Variants in ARHGAP26 observed in about 807,000 individuals in gnomAD.
ARHGAP26 encodes rho GTPase-activating protein 26.
A neutral mutation model predicts 104.8 loss-of-function variants in ARHGAP26; 38 were observed. That is an observed-to-expected ratio of 0.36 (90% CI 0.28 to 0.48). The LOEUF is 0.48. Ranked by LOEUF, ARHGAP26 falls within the 20% of genes least tolerant of loss-of-function variation. The pLI is 0.99. For missense variants in ARHGAP26, 704 were observed against 947.9 expected, an observed-to-expected ratio of 0.74 and a Z score of 3.38; for synonymous variants, 341 against 340.0, an observed-to-expected ratio of 1.00 and a Z score of -0.03.
intron 11 of ARHGAP26, among the ~76,000 whole-genome samples, chr5:142,971,104 T>C (rs1772200294): frequency 6.6e-6 from 1 of 152,176 alleles, no homozygotes; most frequent in Admixed American, 6.5e-5. Flanking sequence ...TAATTTTTTT[T>C]CAGAGATGTC....
rs11419144 is a variant in ARHGAP26, at chr5:142,955,095, T to TACACACACAC, written c.1107+22991_1107+23000dup. 3.2e-4 allele frequency among the ~76,000 whole-genome samples: 17 copies of TACACACACAC among 52,624 alleles called. No individual in the cohort carries two copies. In the East Asian group the frequency reaches 0.021, roughly 64 times the overall value. The allele number at this position is 52,624 out of a possible 152,430, so 34.5% of individuals were successfully genotyped here. A position where few individuals can be genotyped will look rare whatever the true frequency, so the allele number is the denominator to read the frequency against. ...GCAGTTCAACATAGTGAGACCTGTC[T>TACACACACAC]ACACACACACACACACACACACACA... On this transcript the variant is annotated intron_variant, in intron 11 of 22. Coordinates refer to ENST00000645722, the MANE Select transcript of ARHGAP26 (RefSeq NM_001135608.3).
intron 5 of ARHGAP26, among the ~76,000 whole-genome samples, chr5:142,891,856 G>A (rs1464772081): frequency 6.6e-6 from 1 of 151,930 alleles, no homozygotes; most frequent in Admixed American, 6.5e-5. Context: ...ATTGAAATAT[G>A]CTTTCAGTGT....
At chr5:142,941,064 G>A (rs67922441) in intron 11 of ARHGAP26, among the ~76,000 whole-genome samples, 11,180 of 106,616 alleles carry the variant, frequency 0.1, 1,342 homozygotes, top group African/African-American at 0.31. Context: ...GACTGAGAGC[G>A]ACTCCATCTC....
At chr5:143,212,354 G>GA (rs201236164) in intron 21 of ARHGAP26, among the ~76,000 whole-genome samples, 14,403 of 135,668 alleles carry the variant, frequency 0.11, 873 homozygotes, top group East Asian at 0.24. Context: ...AGCCTCTCAA[G>GA]AAAAAAAAAA....
chr5:143,143,502 G>A (rs144383874), intron 19 of ARHGAP26, among the ~76,000 whole-genome samples: 62 of 152,028 alleles, frequency 4.1e-4, no homozygotes, highest in Non-Finnish European at 6.2e-4. Flanking sequence ...ATGTTTTTCC[G>A]TTCCTGATTT....
At chr5:143,158,229 A>G (rs1800747996) in intron 20 of ARHGAP26, among the ~76,000 whole-genome samples, 2 of 152,216 alleles carry the variant, frequency 1.3e-5, no homozygotes, top group Admixed American at 1.3e-4. Context: ...CTGATGTAAC[A>G]TAAAGCAACC....
At chr5:142,941,113 C>T (rs1330322740) in intron 11 of ARHGAP26, among the ~76,000 whole-genome samples, 2 of 146,196 alleles carry the variant, frequency 1.4e-5, no homozygotes, top group Admixed American at 1.3e-4. Context: ...ATCTATATTC[C>T]ATTGGGTATA....
intron 1 of ARHGAP26, among the ~76,000 whole-genome samples, chr5:142,861,736 A>G (rs1753392668): frequency 6.6e-6 from 1 of 152,214 alleles, no homozygotes; most frequent in South Asian, 2.1e-4. Context: ...ACTTCAGTGC[A>G]TCATCTCTCT....
chr5:142,968,154 A>C (rs1419786725), intron 11 of ARHGAP26, among the ~76,000 whole-genome samples: 2 of 152,100 alleles, frequency 1.3e-5, no homozygotes, highest in African/African-American at 4.8e-5. Context: ...AATCCTCATA[A>C]CAACTCTATG....
At chr5:142,873,269 T>A (rs1023693901) in intron 1 of ARHGAP26, 131 bp from the exon 2 acceptor site, 1 of 629,432 alleles carries the variant, frequency 1.6e-6, no homozygotes, top group South Asian at 2.0e-5. Flanking sequence ...TTATATTCTT[T>A]TGTGCTTTGA....
At chr5:143,030,281 C>A (rs1417519637) in intron 12 of ARHGAP26, among the ~76,000 whole-genome samples, 1 of 152,088 alleles carries the variant, frequency 6.6e-6, no homozygotes, top group South Asian at 2.1e-4. Context: ...GGCCTCAGGC[C>A]CCTCTTGACC....
rs1775944900 is a variant in ARHGAP26, at chr5:142,993,452, A to C, written c.1108-20628A>C. Among the ~76,000 whole-genome samples, 3 of 151,664 alleles carry C rather than the reference A, an allele frequency of 2.0e-5. No individual in the cohort carries two copies. In the South Asian group the frequency reaches 6.3e-4, roughly 32 times the overall value. On this transcript the variant is annotated intron_variant, in intron 11 of 22. Coordinates refer to ENST00000645722, the MANE Select transcript of ARHGAP26 (RefSeq NM_001135608.3). ...CCAAAGTGCTGGGATTGCAGGTGTG[A>C]GCCACCACGCCCGGCCCAATTTTTG... is the stretch of plus-strand genomic sequence containing the variant.
chr5:142,849,594 TCTC>T (rs1335763770), intron 1 of ARHGAP26, among the ~76,000 whole-genome samples: 2 of 152,220 alleles, frequency 1.3e-5, no homozygotes, highest in East Asian at 3.9e-4. Flanking sequence ...CTTGTGGGCT[TCTC>T]CTCCCCAACC....
chr5:143,142,140 T>G (rs1035978923), intron 19 of ARHGAP26, among the ~76,000 whole-genome samples: 19 of 143,526 alleles, frequency 1.3e-4, no homozygotes, highest in African/African-American at 4.8e-4. Flanking sequence ...TTCACTTTTT[T>G]TTTTTTTTTT....
Position 143,221,669 on chromosome 5 carries a change from C to T in ARHGAP26, c.2192-689C>T, listed in dbSNP as rs533054655. Among the ~76,000 whole-genome samples, 5 of 152,222 alleles carry T rather than the reference C, an allele frequency of 3.3e-5. No homozygotes were observed. In the South Asian group the frequency reaches 6.2e-4, roughly 19 times the overall value. On this transcript the variant is annotated intron_variant, in intron 22 of 22. Transcript: ENST00000645722. ...CTCCAAGTAGCTGGGACTACAGACACGCTCCATCAAACCTAGGTAGTTTTT... is the reference window on the plus strand; with the variant it reads ...CTCCAAGTAGCTGGGACTACAGACATGCTCCATCAAACCTAGGTAGTTTTT...
chr5:142,867,291 GTGT>G (rs1561981055), intron 1 of ARHGAP26, among the ~76,000 whole-genome samples: 3 of 70,438 alleles, frequency 4.3e-5, no homozygotes, highest in East Asian at 4.6e-3. Flanking sequence ...TGCACAGGGT[GTGT>G]GTGTGTGTGT....
intron 1 of ARHGAP26, among the ~76,000 whole-genome samples, chr5:142,819,822 A>G (rs1265903021): frequency 2.0e-5 from 3 of 152,124 alleles, no homozygotes; most frequent in African/African-American, 7.2e-5. Flanking sequence ...CATAGTATGG[A>G]CTTGATTTTT....
At chr5:142,840,800 A>G (rs1051247840) in intron 1 of ARHGAP26, among the ~76,000 whole-genome samples, 2 of 152,220 alleles carry the variant, frequency 1.3e-5, no homozygotes, top group South Asian at 2.1e-4. Flanking sequence ...CTAGAATAAA[A>G]GCTAGATTAA....
At chr5:143,040,589 C>G (rs57426420) in intron 13 of ARHGAP26, among the ~76,000 whole-genome samples, 88,554 of 137,162 alleles carry the variant, frequency 0.65, 27,441 homozygotes, top group Non-Finnish European at 0.73. Context: ...AAATAACAAA[C>G]ATAATTTCAG....
Sources: allele counts gnomAD v4.1 joint callset (sites outside exome capture counted in the v4.1 genomes callset), GRCh38; gene constraint gnomAD v4.1.1; transcripts MANE v1.5; gene names NCBI Gene and HGNC (gene_info 2026-07-23, HGNC 2026-07-21).